The following NKAIN3 variants were observed in gnomAD, a reference collection of about 807,000 sequenced individuals.
The protein encoded by NKAIN3 is sodium/potassium transporting ATPase interacting 3.
In NKAIN3, 25 loss-of-function variants were observed where a neutral mutation model predicts 30.2. The ratio of observed to expected loss-of-function variants is 0.83; its 90% CI spans 0.60 to 1.16. NKAIN3 has a LOEUF of 1.16. NKAIN3 is among the 50% of genes most tolerant of loss of function. The pLI, the probability that NKAIN3 is intolerant of heterozygous loss-of-function variation, is 0.00. For missense variants in NKAIN3, 225 were observed against 254.1 expected, an observed-to-expected ratio of 0.89 and a Z score of 0.78; for synonymous variants, 91 against 89.6, an observed-to-expected ratio of 1.02 and a Z score of -0.09.
intron 1 of NKAIN3, among the ~76,000 whole-genome samples, chr8:62,516,519 A>G (rs1807989659): frequency 1.3e-5 from 2 of 152,126 alleles, no homozygotes; most frequent in South Asian, 4.1e-4. Flanking sequence ...GTCACTTTCA[A>G]GTAAGTTTTC....
intron 3 of NKAIN3, among the ~76,000 whole-genome samples, chr8:62,633,107 C>G (rs1359502497): frequency 1.3e-5 from 2 of 152,094 alleles, no homozygotes; most frequent in Non-Finnish European, 2.9e-5. Context: ...AATCCTTATG[C>G]TGCCACCTAC....
At chr8:62,516,978 C>T (rs561837629) in intron 1 of NKAIN3, among the ~76,000 whole-genome samples, 9 of 152,082 alleles carry the variant, frequency 5.9e-5, no homozygotes, top group South Asian at 2.1e-4. Context: ...TCCAGACATC[C>T]GATTATAAAT....
intron 4 of NKAIN3, among the ~76,000 whole-genome samples, chr8:62,805,821 G>C (rs1818260277): frequency 6.6e-6 from 1 of 152,136 alleles, no homozygotes; most frequent in Admixed American, 6.6e-5. Context: ...TTAAACTAAA[G>C]AGCTTCTGCA....
chr8:62,449,612 G>T (rs1032385564), intron 1 of NKAIN3, among the ~76,000 whole-genome samples: 35 of 151,902 alleles, frequency 2.3e-4, no homozygotes, highest in African/African-American at 8.0e-4. Flanking sequence ...ATAGCCTTTG[G>T]TTCATGTATA....
chr8:62,670,016 T>A (rs1463768830), intron 3 of NKAIN3, among the ~76,000 whole-genome samples: 1 of 152,166 alleles, frequency 6.6e-6, no homozygotes, highest in East Asian at 1.9e-4. Flanking sequence ...AGTCTAAGGA[T>A]GAAATATATG....
intron 3 of NKAIN3, among the ~76,000 whole-genome samples, chr8:62,604,981 G>C (rs1249258736): frequency 6.6e-6 from 1 of 152,074 alleles, no homozygotes; most frequent in Non-Finnish European, 1.5e-5. Flanking sequence ...GGGCTAAAAA[G>C]CTCTATTTCT....
At chr8:62,816,481 C>T (rs1818683170) in intron 4 of NKAIN3, among the ~76,000 whole-genome samples, 1 of 152,128 alleles carries the variant, frequency 6.6e-6, no homozygotes, top group Non-Finnish European at 1.5e-5. Context: ...GGTTGGTTCT[C>T]AGGCTACTGG....
chr8:62,817,949 G>A (rs1818735941), intron 4 of NKAIN3, among the ~76,000 whole-genome samples: 1 of 152,026 alleles, frequency 6.6e-6, no homozygotes, highest in South Asian at 2.1e-4. Flanking sequence ...GTGCCTTTCT[G>A]CATGGCCTCT....
At chr8:62,891,810 T>C (rs2130825753) in intron 4 of NKAIN3, among the ~76,000 whole-genome samples, 1 of 152,306 alleles carries the variant, frequency 6.6e-6, no homozygotes, top group South Asian at 2.1e-4. Flanking sequence ...TCTCCTTCTT[T>C]TCTCTTCATC....
intron 4 of NKAIN3, among the ~76,000 whole-genome samples, chr8:62,869,206 A>T (rs1390254179): frequency 6.6e-6 from 1 of 152,160 alleles, no homozygotes; most frequent in Admixed American, 6.5e-5. Context: ...CAGGTTTGTT[A>T]TATAGGTATG....
intron 1 of NKAIN3, among the ~76,000 whole-genome samples, chr8:62,385,595 A>C (rs1397333902): frequency 1.3e-5 from 2 of 152,226 alleles, no homozygotes; most frequent in Admixed American, 6.5e-5. Context: ...AAATTTTGGC[A>C]AATGCATAAC....
At chr8:62,875,706 C>T (rs1820775987) in intron 4 of NKAIN3, among the ~76,000 whole-genome samples, 1 of 152,060 alleles carries the variant, frequency 6.6e-6, no homozygotes, top group Non-Finnish European at 1.5e-5. Flanking sequence ...ACAAACTTGA[C>T]AAAAACAAGC....
intron 1 of NKAIN3, among the ~76,000 whole-genome samples, chr8:62,537,243 T>A (rs1309921614): frequency 1.3e-5 from 2 of 152,180 alleles, no homozygotes; most frequent in African/African-American, 2.4e-5. Context: ...TGTATTGGTG[T>A]GGCTCAGGAA....
chr8:62,440,125 G>A (rs552082131), intron 1 of NKAIN3, among the ~76,000 whole-genome samples: 1 of 152,048 alleles, frequency 6.6e-6, no homozygotes, highest in Non-Finnish European at 1.5e-5. Context: ...GGGTAGTTTT[G>A]AATTAGGAAA....
chr8:62,872,137 G>C (rs1006481582), intron 4 of NKAIN3, among the ~76,000 whole-genome samples: 1 of 152,198 alleles, frequency 6.6e-6, no homozygotes, highest in Non-Finnish European at 1.5e-5. Flanking sequence ...AGAAGGAATA[G>C]CTTATACCAT....
At chr8:62,777,051 T>C (rs1817213994) in intron 4 of NKAIN3, among the ~76,000 whole-genome samples, 1 of 152,224 alleles carries the variant, frequency 6.6e-6, no homozygotes, top group South Asian at 2.1e-4. Context: ...GGGTTGCCAC[T>C]GACAAGTCTG....
rs183313015 is a variant in NKAIN3, at chr8:62,350,441, G to T, written c.54+101314G>T. 2.9e-4 allele frequency among the ~76,000 whole-genome samples: 44 copies of T among 152,220 alleles called. No individual in the cohort carries two copies. The East Asian group carries it at 8.1e-3, about 28-fold the overall frequency. ...TCAAATTGGTAGAGACAAAAAGAGT[G>T]GTGGTTACTGGGGGCTGGGGACAGG... is the stretch of plus-strand genomic sequence containing the variant. On this transcript the variant is annotated intron_variant, in intron 1 of 6. Transcript: ENST00000623646.
At chr8:62,362,951 A>C (rs1357141424) in intron 1 of NKAIN3, among the ~76,000 whole-genome samples, 1 of 152,206 alleles carries the variant, frequency 6.6e-6, no homozygotes, top group African/African-American at 2.4e-5. Context: ...GGGATTGGCC[A>C]AGACTCCCGA....
Position 62,849,494 on chromosome 8 carries a change from A to G in NKAIN3, c.472-68959A>G, listed in dbSNP as rs1819806586. The stretch of plus-strand genomic sequence containing the variant: ...TTCAAGTTTTAGGGTACATGTGCAC[A>G]ATGTGCAAGTTTGTTACATATGTAT... On this transcript the variant is annotated intron_variant, in intron 4 of 6. Transcript: ENST00000623646. 2.0e-5 allele frequency among the ~76,000 whole-genome samples: 3 copies of G among 150,910 alleles called. No homozygotes were observed. The South Asian group carries it at 6.3e-4, about 32-fold the overall frequency.
Sources: gnomAD v4.1 joint callset for allele counts (sites outside exome capture counted in the v4.1 genomes callset) on GRCh38, gnomAD v4.1.1 for gene constraint, MANE v1.5 for transcripts, NCBI Gene and HGNC (gene_info 2026-07-23, HGNC 2026-07-21) for gene names.